The following ADGB variants were observed in gnomAD, a reference collection of about 807,000 sequenced individuals.
ADGB encodes calpain-7-like protein.
A neutral mutation model predicts 210.5 loss-of-function variants in ADGB; 172 were observed. The ratio of observed to expected loss-of-function variants is 0.82; its 90% confidence interval spans 0.72 to 0.93. The LOEUF is 0.93. ADGB is among the 40% of genes least tolerant of loss of function. ADGB has a pLI of 0.00. For synonymous variants in ADGB, 658 were observed against 662.7 expected (o/e 0.99, Z 0.11); for missense variants, 2,025 against 1,964.8 (o/e 1.03, Z -0.58).
At position 146,736,530 on chromosome 6, in the gene ADGB, C is replaced by A; in HGVS notation, c.2827C>A (p.Leu943Ile). ...TKENISVADT[L>I]QKVWAVLEMN... ...AGAAAATATCAGTGTTGCAGATACT[C>A]TTCAAAAAGTTTGGGCTGTATTGGA... Residue 943 changes from leucine (L) to isoleucine (I), a missense_variant, in exon 23 of 36, where the codon CTT becomes ATT. Transcript: ENST00000397944. 6.5e-7 allele frequency: 1 copy of A among 1,548,490 alleles called. No individual in the cohort carries two copies. Among genetic ancestry groups the A allele is most frequent in the Non-Finnish European group, 8.7e-7 (1 of 1,145,412 alleles).
chr6:146,735,377 G>A (rs116707731), intron 22 of ADGB, among the ~76,000 whole-genome samples: 1,762 of 152,084 alleles, frequency 0.012, 26 homozygotes, highest in African/African-American at 0.04. Context: ...GTGGCAGGGC[G>A]AGAGAGCACA....
chr6:146,600,924 GCGCACACACACACACACA>G (rs1238001250), intron 1 of ADGB, among the ~76,000 whole-genome samples: 4 of 47,574 alleles, frequency 8.4e-5, no homozygotes, highest in African/African-American at 1.9e-4. Flanking sequence ...CCTCCCCCAT[GCGCACACACACACACACA>G]CACACACACA....
At chr6:146,755,887 A>C (rs568397855) in intron 27 of ADGB, among the ~76,000 whole-genome samples, 94 of 152,210 alleles carry the variant, frequency 6.2e-4, no homozygotes, top group Non-Finnish European at 8.4e-4. Flanking sequence ...ATTACTAGAA[A>C]TAACTGTTAT....
intron 2 of ADGB, among the ~76,000 whole-genome samples, chr6:146,644,508 G>T (rs992341773): frequency 7.3e-5 from 11 of 151,650 alleles, no homozygotes. Flanking sequence ...GCTTGTTTAG[G>T]CTACCTCCTA....
chr6:146,758,804 C>A (rs959028790), intron 27 of ADGB, among the ~76,000 whole-genome samples: 1 of 151,892 alleles, frequency 6.6e-6, no homozygotes, highest in African/African-American at 2.4e-5. Context: ...GACATTGTTA[C>A]AATATCGAAT....
intron 33 of ADGB, among the ~76,000 whole-genome samples, chr6:146,800,687 C>CT (rs1778115772): frequency 6.6e-6 from 1 of 152,078 alleles, no homozygotes; most frequent in Admixed American, 6.5e-5. Flanking sequence ...TATATATTGC[C>CT]TACTCCACTG....
At chr6:146,685,438 T>C (rs1048442847) in intron 9 of ADGB, among the ~76,000 whole-genome samples, 1 of 152,028 alleles carries the variant, frequency 6.6e-6, no homozygotes, top group Non-Finnish European at 1.5e-5. Flanking sequence ...TGTGGACCAT[T>C]CTATGTTGCA....
intron 29 of ADGB, among the ~76,000 whole-genome samples, chr6:146,772,049 T>C (rs1352998253): frequency 1.3e-5 from 2 of 152,166 alleles, no homozygotes; most frequent in Non-Finnish European, 1.5e-5. Flanking sequence ...AAGCTCAAAA[T>C]AGTCATGCTA....
Position 146,745,956 on chromosome 6 carries a change from G to A in ADGB, c.3212G>A (p.Gly1071Asp). 6.5e-7 allele frequency: 1 copy of A among 1,549,748 alleles called. No individual in the cohort carries two copies. Among genetic ancestry groups the A allele is most frequent in the Non-Finnish European group, 8.7e-7 (1 of 1,146,140 alleles). ...GYTFVAEAFT[G>D]DTYVAASRWK... is the part of the protein sequence containing the mutation. Reference sequence around the variant, plus strand: ...ACTTTTGTGGCGGAAGCATTTACAGGCGACACATATGTAGCAGCCTCACGA... The same window carrying A: ...ACTTTTGTGGCGGAAGCATTTACAGACGACACATATGTAGCAGCCTCACGA... The change falls in exon 26 of 36, where the codon GGC (glycine) becomes GAC (aspartate). Residue 1071 changes from glycine (G) to aspartate (D), a missense_variant. Transcript: ENST00000397944.
At chr6:146,745,321 C>T (rs1484364969) in intron 25 of ADGB, among the ~76,000 whole-genome samples, 2 of 152,098 alleles carry the variant, frequency 1.3e-5, no homozygotes, top group Non-Finnish European at 2.9e-5. Flanking sequence ...TTTTAGTCAG[C>T]TATCCAATTA....
Position 146,654,176 on chromosome 6 carries a change from T to G in ADGB, c.372T>G (p.Phe124Leu). The G allele has an allele frequency of 6.5e-7, 1 of 1,545,182 alleles. No individual in the cohort carries two copies. The highest frequency in any genetic ancestry group is 8.8e-7 in the Non-Finnish European group (1 of 1,142,562). Residue 124 changes from phenylalanine to leucine, a missense_variant, in exon 4 of 36, where the codon TTT becomes TTG. Transcript: ENST00000397944. The part of the protein sequence containing the change: ...VVKNEITFDL[F>L]SANEHLLCSE... ...AAAATGAAATCACGTTTGACTTATT[T>G]TCAGCAAATGAACATTTACTCTGCA...
intron 2 of ADGB, chr6:146,639,884 T>G (rs1775482653): frequency 6.6e-6 from 1 of 151,726 alleles, no homozygotes; most frequent in Non-Finnish European, 1.5e-5. Flanking sequence ...TTAATCCCAA[T>G]GCTAGCAGAA....
rs376537100 is a variant in ADGB at position 146,808,498 on chromosome 6, G to C, written c.4818+6487G>C. Among the ~76,000 whole-genome samples, 11 of 152,250 alleles carry C rather than the reference G, an allele frequency of 7.2e-5. No homozygotes were observed. In the South Asian group the frequency reaches 2.3e-3, roughly 32 times the overall value. On this transcript the variant is annotated intron_variant, in intron 35 of 35. Transcript: ENST00000397944. ...GTGTTTTCTCTAAGACACAGATGAA[G>C]TTGTTATACCCTAGTCTTAGAACAA... is the stretch of plus-strand genomic sequence containing the variant.
chr6:146,799,058 C>CAAAAAAAAAAAAAAAAAAAA (rs71552962), intron 33 of ADGB, among the ~76,000 whole-genome samples: 8 of 63,510 alleles, frequency 1.3e-4, no homozygotes, highest in Admixed American at 6.3e-4. Context: ...TATGGAAATG[C>CAAAAAAAAAAAAAAAAAAAA]AAAAAAAAAA....
intron 2 of ADGB, among the ~76,000 whole-genome samples, chr6:146,638,425 TA>T (rs1269803385): frequency 6.6e-6 from 1 of 151,592 alleles, no homozygotes; most frequent in Non-Finnish European, 1.5e-5. Flanking sequence ...TATGCAGCCA[TA>T]AAAAATGATG....
intron 30 of ADGB, among the ~76,000 whole-genome samples, chr6:146,782,882 G>A (rs138115769): frequency 1.0e-3 from 157 of 152,132 alleles, no homozygotes; most frequent in African/African-American, 3.5e-3. Context: ...AAAAAACAGC[G>A]CACTCTAAAC....
chr6:146,771,422 G>A (rs1274787470), intron 29 of ADGB, among the ~76,000 whole-genome samples: 1 of 151,796 alleles, frequency 6.6e-6, no homozygotes, highest in Non-Finnish European at 1.5e-5. Context: ...CTCTTTGCAT[G>A]TTACCATATT....
In ADGB at chr6:146,624,465, T is replaced by C. The variant is rs200227211; in HGVS notation, c.75-10910T>C. Among the ~76,000 whole-genome samples the C allele has an allele frequency of 1.8e-4, 27 of 151,992 alleles. No individual in the cohort carries two copies. The East Asian group carries it at 4.8e-3, about 27-fold the overall frequency. On this transcript the variant is annotated intron_variant, in intron 1 of 35. Transcript: ENST00000397944. Reference sequence around the variant, plus strand: ...ATTGATAGTTGTGTTTTCTCTCCTATATTCTTGATCAATCTGATGAAAGGT... The same window carrying C: ...ATTGATAGTTGTGTTTTCTCTCCTACATTCTTGATCAATCTGATGAAAGGT...
intron 3 of ADGB, among the ~76,000 whole-genome samples, chr6:146,649,206 G>T: frequency 6.7e-6 from 1 of 149,676 alleles, no homozygotes; most frequent in Non-Finnish European, 1.5e-5. Context: ...TAAACATCGG[G>T]TATTCACCTA....
Sources: allele counts gnomAD v4.1 joint callset (sites outside exome capture counted in the v4.1 genomes callset), GRCh38; gene constraint gnomAD v4.1.1; transcripts MANE v1.5; gene names NCBI Gene and HGNC (gene_info 2026-07-23, HGNC 2026-07-21).